Variants in DPP8 observed in about 807,000 individuals in gnomAD.
DPP8 encodes the protein dipeptidyl peptidase 8.
DPP8 carries 31 observed loss-of-function variants against 107.5 expected under a neutral mutation model. The ratio of observed to expected loss-of-function variants is 0.29; its 90% CI spans 0.22 to 0.39. The LOEUF (loss-of-function observed/expected upper bound fraction) is 0.39. Among genes scored for constraint, DPP8 ranks in the 10% least tolerant of loss-of-function variants. The pLI, the probability that DPP8 is intolerant of heterozygous loss-of-function variation, is 1.00. For missense variants in DPP8, 842 were observed against 1,076.1 expected (o/e 0.78, Z 3.04); for synonymous variants, 381 against 356.6 (o/e 1.07, Z -0.77).
chr15:65,515,818 T>C, intron 1 of DPP8: 1 of 886,896 alleles, frequency 1.1e-6, no homozygotes. Flanking sequence ...TGAAATAAGA[T>C]AAGACTTTGA....
Position 65,474,172 on chromosome 15 carries a change from T to G in DPP8, c.1536+37A>C, listed in dbSNP as rs755624353. The G allele has an allele frequency of 6.9e-6, 10 of 1,446,354 alleles. No individual in the cohort carries two copies. In the East Asian group the frequency reaches 2.0e-4, roughly 30 times the overall value. The allele number at this position is 1,446,354 out of a possible 1,614,324, so 89.6% of individuals were successfully genotyped here. On this transcript the variant is annotated intron_variant, in intron 12 of 19. Transcript: ENST00000300141. ...TTTTAGCACTGCATTCACACAGTAA[T>G]ACTGACCAAACATATCAGTAGAATA...
intron 12 of DPP8, among the ~76,000 whole-genome samples, chr15:65,470,195 CAAAAAAAA>C (rs11310623): frequency 5.0e-4 from 29 of 58,502 alleles, no homozygotes; most frequent in South Asian, 8.2e-4. Context: ...ACTCTTGTCT[CAAAAAAAA>C]AAAAAAAAAA....
intron 11 of DPP8, among the ~76,000 whole-genome samples, chr15:65,476,820 AC>A (rs2066429849): frequency 6.6e-6 from 1 of 152,332 alleles, no homozygotes; most frequent in Admixed American, 6.5e-5. Flanking sequence ...GAACAGATAA[AC>A]AAAATGTGGT....
intron 1 of DPP8, 93 bp downstream of exon 1, chr15:65,517,393 C>G (rs974703111): frequency 1.3e-5 from 2 of 152,444 alleles, no homozygotes; most frequent in East Asian, 3.8e-4. Context: ...TGAGAACGCG[C>G]CGAGCAGTCC....
At position 65,507,299 on chromosome 15, in the gene DPP8, T is replaced by C. The variant is rs1004159142; in HGVS notation, c.316A>G (p.Ile106Val). 5.0e-6 allele frequency: 8 copies of C among 1,612,988 alleles called. No homozygotes were observed. Among genetic ancestry groups the C allele is most frequent in the East Asian group, 2.2e-5 (1 of 44,756 alleles). The change falls in exon 3 of 20, where the codon ATC (isoleucine) becomes GTC (valine). Residue 106 changes from isoleucine (I) to valine (V), a missense_variant. Coordinates refer to ENST00000300141, the MANE Select transcript of DPP8 (RefSeq NM_130434.5). Reference protein sequence around the residue: ...TLFYSEIPKTINRAAVLMLSW... With the variant: ...TLFYSEIPKTVNRAAVLMLSW... ...AGCATTAAGACTGCTGCTCTATTGA[T>C]AGTTTTGGGAATTTCAGAATAAAAC...
chr15:65,464,086 G>A (rs775887539), intron 14 of DPP8, among the ~76,000 whole-genome samples, 180 bp from the exon 15 acceptor site: 29 of 151,864 alleles, frequency 1.9e-4, no homozygotes, highest in Non-Finnish European at 2.8e-4. Flanking sequence ...AAACTAGGCC[G>A]GGCGCAGTGG....
intron 6 of DPP8, among the ~76,000 whole-genome samples, chr15:65,489,274 T>C (rs1421161557): frequency 6.6e-6 from 1 of 151,994 alleles, no homozygotes; most frequent in Non-Finnish European, 1.5e-5. Flanking sequence ...GTGGTATTTT[T>C]TATTTTGCCA....
chr15:65,455,986 A>C (rs1327977134), intron 16 of DPP8: 1 of 860,046 alleles, frequency 1.2e-6, no homozygotes, highest in Non-Finnish European at 1.7e-6. Flanking sequence ...CCAAGTGGAC[A>C]TACAAAACAG....
chr15:65,482,061 C>A (rs2140772423), intron 8 of DPP8, among the ~76,000 whole-genome samples: 1 of 151,896 alleles, frequency 6.6e-6, no homozygotes, highest in Non-Finnish European at 1.5e-5. Context: ...GAGACAAGGT[C>A]TCATTCTGTT....
intron 6 of DPP8, 23 bp downstream of exon 6, chr15:65,490,166 T>C (rs1320798602): frequency 4.5e-6 from 5 of 1,122,682 alleles, no homozygotes; most frequent in Non-Finnish European, 6.8e-6. Context: ...TGACCCATAA[T>C]ATATTATTTT....
At chr15:65,473,194 G>C (rs2066060554) in intron 12 of DPP8, among the ~76,000 whole-genome samples, 1 of 151,842 alleles carries the variant, frequency 6.6e-6, no homozygotes, top group Non-Finnish European at 1.5e-5. Context: ...GCATGGTGGT[G>C]TGTGCCTGTA....
intron 19 of DPP8, among the ~76,000 whole-genome samples, chr15:65,448,657 G>A (rs1175929586): frequency 9.7e-6 from 1 of 103,508 alleles, no homozygotes; most frequent in Non-Finnish European, 1.8e-5. Context: ...GGGTGACAGA[G>A]CGAAACTCCA....
At chr15:65,516,453 T>C (rs899275633) in intron 1 of DPP8, 3 of 147,854 alleles carry the variant, frequency 2.0e-5, no homozygotes, top group Non-Finnish European at 4.5e-5. Flanking sequence ...AAAAGGAAGG[T>C]CTGCTATTAC....
chr15:65,471,218 T>G (rs2065866120), intron 12 of DPP8, among the ~76,000 whole-genome samples: 1 of 151,900 alleles, frequency 6.6e-6, no homozygotes, highest in Admixed American at 6.6e-5. Flanking sequence ...CCAAGGTACT[T>G]CAACAGAAAA....
At chr15:65,481,949 C>G (rs150597555) in intron 8 of DPP8, among the ~76,000 whole-genome samples, 221 of 149,808 alleles carry the variant, frequency 1.5e-3, no homozygotes, top group African/African-American at 5.4e-3. Flanking sequence ...GTCCCTAGTT[C>G]CCCATATTTC....
At chr15:65,460,324 T>C (rs1231022364) in intron 15 of DPP8, among the ~76,000 whole-genome samples, 1 of 152,126 alleles carries the variant, frequency 6.6e-6, no homozygotes, top group Non-Finnish European at 1.5e-5. Flanking sequence ...ACGCCTGTAA[T>C]CCCAGCTACT....
In DPP8 at chr15:65,479,003, C is replaced by G; in HGVS notation, c.1333G>C (p.Glu445Gln). 6.3e-7 allele frequency: 1 copy of G among 1,586,246 alleles called. No individual in the cohort carries two copies. Among genetic ancestry groups the G allele is most frequent in the East Asian group, 2.3e-5 (1 of 43,366 alleles). Reference sequence around the variant, plus strand: ...GCAAAAATAAACTCAATTTCCTCTTCGTGACTTTGGGGAAAAACATGAAAG... The same window carrying G: ...GCAAAAATAAACTCAATTTCCTCTTGGTGACTTTGGGGAAAAACATGAAAG... ...DIFHVFPQSH[E>Q]EEIEFIFASE... The change falls in exon 11 of 20, where the codon GAA (glutamate) becomes CAA (glutamine). Residue 445 changes from glutamate to glutamine, a missense_variant. By Grantham distance (29) the Glu-to-Gln change is conservative (BLOSUM62 2). Around this residue, in one of 2 missense-constraint regions of DPP8, gnomAD observed 663 missense variants for 758.0 expected, o/e 0.87. Transcript: ENST00000300141.
intron 3 of DPP8, among the ~76,000 whole-genome samples, chr15:65,502,088 G>A (rs560198793): frequency 6.6e-6 from 1 of 152,040 alleles, no homozygotes; most frequent in East Asian, 1.9e-4. Flanking sequence ...ATGGAGTTTC[G>A]CCATGTTGGC....
chr15:65,513,176 C>G (rs1273085180), intron 1 of DPP8, among the ~76,000 whole-genome samples: 2 of 152,108 alleles, frequency 1.3e-5, no homozygotes, highest in African/African-American at 2.4e-5. Flanking sequence ...GTCTTCTGCT[C>G]TTGCTAGACA....
Sources: gnomAD v4.1 joint callset for allele counts (sites outside exome capture counted in the v4.1 genomes callset) on GRCh38, gnomAD v4.1.1 for gene constraint, gnomAD v4.1.1 regional missense constraint, MANE v1.5 for transcripts, NCBI Gene and HGNC (gene_info 2026-07-23, HGNC 2026-07-21) for gene names.